PSMA8: variants seen among roughly 807,000 people sequenced by gnomAD.
PSMA8 encodes proteasome 20S subunit alpha 8.
Under a neutral mutation model 32.4 loss-of-function variants are expected in PSMA8, and 18 were observed. The observed-to-expected ratio is 0.56, with a 90% CI of 0.38 to 0.82. The LOEUF (loss-of-function observed/expected upper bound fraction) is 0.82, where lower values mean the gene tolerates loss of function less well. PSMA8 is among the 40% of genes least tolerant of loss of function. The probability of loss-of-function intolerance (pLI) is 0.00; values close to 1 mark genes in which losing one functional copy is unlikely to be tolerated. For missense variants in PSMA8, 298 were observed against 300.7 expected (o/e 0.99, Z 0.07); for synonymous variants, 104 against 98.1 (o/e 1.06, Z -0.36).
Position 26,187,419 on chromosome 18 carries a change from A to C in PSMA8, c.661-4900A>C, listed in dbSNP as rs530724796. On this transcript the variant is annotated intron_variant, in intron 6 of 6. Coordinates refer to ENST00000415576, the MANE Select transcript of PSMA8 (RefSeq NM_001025096.2). ...TTGGGGAGACTGAGGCAGGAGGATA[A>C]GTTCTTACTTATCAATAATAACATT... Among the ~76,000 whole-genome samples the C allele has an allele frequency of 1.2e-4, 18 of 152,252 alleles. No individual in the cohort carries two copies. The South Asian group carries it at 3.7e-3, about 32-fold the overall frequency.
At chr18:26,172,360 A>T (rs1180778176) in intron 4 of PSMA8, among the ~76,000 whole-genome samples, 2 of 152,224 alleles carry the variant, frequency 1.3e-5, no homozygotes, top group Non-Finnish European at 2.9e-5. Context: ...AAACTTTACC[A>T]TAGTAGCATA....
At chr18:26,188,928 G>A (rs546663265) in intron 6 of PSMA8, among the ~76,000 whole-genome samples, 26 of 152,182 alleles carry the variant, frequency 1.7e-4, no homozygotes, top group South Asian at 1.2e-3. Flanking sequence ...ATTGGTCTGC[G>A]CAAAATATTC....
intron 4 of PSMA8, among the ~76,000 whole-genome samples, chr18:26,172,072 C>A (rs1452959592): frequency 6.6e-6 from 1 of 152,142 alleles, no homozygotes; most frequent in South Asian, 2.1e-4. Flanking sequence ...AGGTAGCCTG[C>A]CCTTTATCTG....
At chr18:26,137,884 G>C (rs2054925333) in intron 1 of PSMA8, among the ~76,000 whole-genome samples, 1 of 152,176 alleles carries the variant, frequency 6.6e-6, no homozygotes, top group Non-Finnish European at 1.5e-5. Flanking sequence ...TAATACTTAA[G>C]TGGACATCTG....
intron 4 of PSMA8, among the ~76,000 whole-genome samples, chr18:26,165,094 G>A (rs1373990022): frequency 1.3e-5 from 2 of 151,768 alleles, no homozygotes; most frequent in African/African-American, 2.4e-5. Flanking sequence ...ATTTTTAGGA[G>A]AGACGGGGTT....
chr18:26,165,822 G>A (rs571809959), intron 4 of PSMA8, among the ~76,000 whole-genome samples: 4 of 152,102 alleles, frequency 2.6e-5, no homozygotes, highest in South Asian at 2.1e-4. Context: ...ACGGCCAGGC[G>A]TGGTGGCTCA....
chr18:26,145,371 G>A (rs1322673153), intron 2 of PSMA8, among the ~76,000 whole-genome samples: 1 of 152,116 alleles, frequency 6.6e-6, no homozygotes, highest in African/African-American at 2.4e-5. Flanking sequence ...ACCCGCCACA[G>A]TCTCCCAAAG....
chr18:26,135,033 T>A (rs866886401), intron 1 of PSMA8, among the ~76,000 whole-genome samples: 32 of 152,258 alleles, frequency 2.1e-4, no homozygotes, highest in Middle Eastern at 3.4e-3. Flanking sequence ...GAACTTCCAC[T>A]TTTTTGGCCA....
In PSMA8 at chr18:26,144,639, G is replaced by A; in HGVS notation, c.183G>A (p.Val61=). The change falls in exon 2 of 7, where the codon GTG becomes GTA. Residue 61 remains valine (V), a synonymous_variant. Transcript: ENST00000415576. ...CCAAGCTTCAAGATGAAAGAACTGT[G>A]AGGAAAATTTGTGCCCTTGATGACC... is the stretch of plus-strand genomic sequence containing the variant. ...SVAKLQDERT[V]RKICALDDHV... 1.2e-6 allele frequency: 2 copies of A among 1,613,934 alleles called. No individual in the cohort carries two copies. Among genetic ancestry groups the A allele is most frequent in the Non-Finnish European group, 1.7e-6 (2 of 1,179,910 alleles).
At position 26,134,354 on chromosome 18, in the gene PSMA8, T is replaced by G. The variant is rs112612548; in HGVS notation, c.102+287T>G. Reference sequence around the variant, plus strand: ...GTGTGTGTGTGGGTGTGTGTGTGTGTGTGTGTGTGTCTCTGTGTGTGTGTG... The same window carrying G: ...GTGTGTGTGTGGGTGTGTGTGTGTGGGTGTGTGTGTCTCTGTGTGTGTGTG... On this transcript the variant is annotated intron_variant, in intron 1 of 6. Coordinates refer to ENST00000415576, the MANE Select transcript of PSMA8 (RefSeq NM_001025096.2). 2.8e-3 allele frequency among the ~76,000 whole-genome samples: 374 copies of G among 135,116 alleles called. 2 individuals are homozygous for G. Among genetic ancestry groups the G allele is most frequent in the African/African-American group, 0.013 (358 of 27,302 alleles). 88.6% of individuals were successfully genotyped at this position (135,116 alleles called of 152,430 possible). A position where few individuals can be genotyped will look rare whatever the true frequency, so the allele number is the denominator to read the frequency against.
chr18:26,169,620 G>A (rs574631332), intron 4 of PSMA8, among the ~76,000 whole-genome samples: 1 of 129,296 alleles, frequency 7.7e-6, no homozygotes, highest in African/African-American at 4.3e-5. Context: ...TGGGTGAATC[G>A]CTTGCGGTCA....
chr18:26,163,249 AT>A (rs1372769018), intron 4 of PSMA8, among the ~76,000 whole-genome samples: 1,171 of 93,402 alleles, frequency 0.013, 61 homozygotes, highest in African/African-American at 0.045. Flanking sequence ...ATATATATAT[AT>A]ATATATATAT....
intron 2 of PSMA8, among the ~76,000 whole-genome samples, chr18:26,149,783 C>T (rs1329699291): frequency 6.6e-6 from 1 of 151,890 alleles, no homozygotes; most frequent in Non-Finnish European, 1.5e-5. Flanking sequence ...AAAATTAACT[C>T]AAAATGAATG....
chr18:26,179,300 T>G (rs904865511), intron 6 of PSMA8, among the ~76,000 whole-genome samples, 170 bp downstream of exon 6: 19 of 151,014 alleles, frequency 1.3e-4, no homozygotes, highest in South Asian at 2.1e-4. Context: ...TTTTGTGTTT[T>G]TTTTTTTTTT....
At chr18:26,186,853 T>G (rs1246762161) in intron 6 of PSMA8, among the ~76,000 whole-genome samples, 2 of 152,150 alleles carry the variant, frequency 1.3e-5, no homozygotes, top group Admixed American at 1.3e-4. Context: ...CTGCAAGAAC[T>G]AAAAGAAAAT....
intron 3 of PSMA8, among the ~76,000 whole-genome samples, chr18:26,157,125 T>C (rs1200856031): frequency 7.3e-5 from 11 of 151,560 alleles, no homozygotes; most frequent in Admixed American, 7.2e-4. Context: ...TATAATAAAA[T>C]TGGAAAATAA....
At chr18:26,163,192 G>T (rs1372033742) in intron 4 of PSMA8, among the ~76,000 whole-genome samples, 6 of 126,522 alleles carry the variant, frequency 4.7e-5, no homozygotes, top group African/African-American at 1.6e-4. Context: ...TATAAAAGGT[G>T]GTGTGTGTTT....
At chr18:26,140,113 A>T in intron 1 of PSMA8, 1 of 703,046 alleles carries the variant, frequency 1.4e-6, no homozygotes, top group Non-Finnish European at 2.6e-6. Flanking sequence ...TGAAAAAGTA[A>T]GTACCTCTTC....
intron 1 of PSMA8, among the ~76,000 whole-genome samples, chr18:26,134,877 C>A (rs1049989332): frequency 6.6e-6 from 1 of 151,976 alleles, no homozygotes; most frequent in Non-Finnish European, 1.5e-5. Flanking sequence ...TCGCTTGAAC[C>A]TGGGAGGCAG....
Sources: allele counts gnomAD v4.1 joint callset (sites outside exome capture counted in the v4.1 genomes callset), GRCh38; gene constraint gnomAD v4.1.1; transcripts MANE v1.5; gene names NCBI Gene and HGNC (gene_info 2026-07-23, HGNC 2026-07-21).